Variants in MAN1A1 observed in about 807,000 individuals in gnomAD.
The protein encoded by MAN1A1 is mannosidase alpha class 1A member 1, also known as mannosyl-oligosaccharide 1,2-alpha-mannosidase IA.
Under a neutral mutation model 70.8 loss-of-function variants are expected in MAN1A1, and 29 were observed. The observed-to-expected ratio is 0.41, with a 90% CI of 0.31 to 0.56. MAN1A1 has a LOEUF of 0.56. Among genes scored for constraint, MAN1A1 ranks in the 20% least tolerant of loss-of-function variants. The probability of loss-of-function intolerance (pLI) is 0.29; values close to 1 mark genes in which losing one functional copy is unlikely to be tolerated. For synonymous variants in MAN1A1, 349 were observed against 330.1 expected (o/e 1.06, Z -0.62); for missense variants, 747 against 841.3 (o/e 0.89, Z 1.39).
At chr6:119,258,435 C>G (rs1393483826) in intron 5 of MAN1A1, among the ~76,000 whole-genome samples, 1 of 152,102 alleles carries the variant, frequency 6.6e-6, no homozygotes, top group African/African-American at 2.4e-5. Context: ...AGTATAACAA[C>G]TATTTACATA....
At chr6:119,261,893 C>T (rs1318712724) in intron 5 of MAN1A1, among the ~76,000 whole-genome samples, 2 of 152,098 alleles carry the variant, frequency 1.3e-5, no homozygotes, top group African/African-American at 4.8e-5. Flanking sequence ...TTGAAAAGGA[C>T]TAGTTCTAAA....
At chr6:119,313,603 A>T (rs916011701) in intron 2 of MAN1A1, among the ~76,000 whole-genome samples, 12 of 152,274 alleles carry the variant, frequency 7.9e-5, no homozygotes, top group Admixed American at 3.3e-4. Flanking sequence ...TATAAATGGG[A>T]ATAAAGCAGT....
chr6:119,182,125 T>A (rs561602484), intron 11 of MAN1A1, among the ~76,000 whole-genome samples: 1 of 152,234 alleles, frequency 6.6e-6, no homozygotes, highest in Admixed American at 6.5e-5. Flanking sequence ...ATTTCCCTGA[T>A]GATTTGTGAT....
chr6:119,257,916 A>G (rs1460517663), intron 5 of MAN1A1, among the ~76,000 whole-genome samples: 1 of 152,210 alleles, frequency 6.6e-6, no homozygotes, highest in Non-Finnish European at 1.5e-5. Flanking sequence ...AGGTTTAAAA[A>G]ATGGGCAAAT....
intron 5 of MAN1A1, among the ~76,000 whole-genome samples, chr6:119,276,260 T>C (rs1338408889): frequency 6.6e-6 from 1 of 152,224 alleles, no homozygotes; most frequent in African/African-American, 2.4e-5. Flanking sequence ...ATATTGTATT[T>C]TCTTCAGAGC....
Position 119,189,755 on chromosome 6 carries a change from C to A in MAN1A1, c.1455G>T (p.Gly485=). 1 of 1,614,068 alleles carries A rather than the reference C, an allele frequency of 6.2e-7. No homozygotes were observed. The highest frequency in any genetic ancestry group is 8.5e-7 in the Non-Finnish European group (1 of 1,180,006). The change falls in exon 10 of 13, where the codon GGG becomes GGT. Residue 485 remains glycine (G), a synonymous_variant. Coordinates refer to ENST00000368468, the MANE Select transcript of MAN1A1 (RefSeq NM_005907.4). ...TCFAGGMFAL[G]ADAAPEGMAQ... is the part of the protein sequence containing the mutation. The stretch of plus-strand genomic sequence containing the variant: ...CCATGCCTTCGGGAGCTGCATCAGC[C>A]CCGAGTGCGAACATGCCCCCCGCGA...
intron 5 of MAN1A1, among the ~76,000 whole-genome samples, chr6:119,286,423 C>G (rs1776376446): frequency 6.6e-6 from 1 of 152,212 alleles, no homozygotes; most frequent in Non-Finnish European, 1.5e-5. Flanking sequence ...TCCTACTCCC[C>G]TCTGTGTTTC....
chr6:119,193,690 A>G, intron 9 of MAN1A1, 87 bp downstream of exon 9: 1 of 775,514 alleles, frequency 1.3e-6, no homozygotes, highest in South Asian at 1.8e-5. Flanking sequence ...TCACTCATGT[A>G]GTATACCACT....
intron 5 of MAN1A1, among the ~76,000 whole-genome samples, chr6:119,270,652 G>A (rs1775893323): frequency 6.6e-6 from 1 of 152,088 alleles, no homozygotes; most frequent in Non-Finnish European, 1.5e-5. Context: ...ATCAGGAAAG[G>A]GTCCTGGAAA....
intron 8 of MAN1A1, among the ~76,000 whole-genome samples, chr6:119,197,885 T>C (rs913305774): frequency 1.3e-5 from 2 of 151,936 alleles, no homozygotes; most frequent in South Asian, 2.1e-4. Context: ...GCCAAATACA[T>C]AGCATACAGG....
chr6:119,183,391 A>G (rs1374034159), intron 11 of MAN1A1, among the ~76,000 whole-genome samples: 5 of 146,308 alleles, frequency 3.4e-5, no homozygotes, highest in African/African-American at 1.2e-4. Context: ...AAGTCCTATT[A>G]TTTTTTCTTT....
At chr6:119,314,306 T>C (rs1772792899) in intron 2 of MAN1A1, among the ~76,000 whole-genome samples, 1 of 152,242 alleles carries the variant, frequency 6.6e-6, no homozygotes, top group Non-Finnish European at 1.5e-5. Flanking sequence ...TGAGCAGTAG[T>C]TTCACATTTT....
At position 119,319,393 on chromosome 6, in the gene MAN1A1, C is replaced by A. The variant is rs746417026; in HGVS notation, c.604-12401G>T. ...TAATAATAATAATAATAATAATAAT[C>A]ATCATCATCATCATTCATTCTATTG... On this transcript the variant is annotated intron_variant, in intron 2 of 12. Coordinates refer to ENST00000368468, the MANE Select transcript of MAN1A1 (RefSeq NM_005907.4). Among the ~76,000 whole-genome samples, 102 of 149,870 alleles carry A rather than the reference C, an allele frequency of 6.8e-4. 1 individual carries two copies. The highest frequency in any genetic ancestry group is 1.4e-3 in the African/African-American group (59 of 40,908).
chr6:119,202,355 C>T (rs1285688330), intron 7 of MAN1A1, among the ~76,000 whole-genome samples: 1 of 152,112 alleles, frequency 6.6e-6, no homozygotes, highest in African/African-American at 2.4e-5. Flanking sequence ...ACTTCTACAT[C>T]TTATCGCACT....
chr6:119,213,388 T>C (rs1287930991), intron 6 of MAN1A1, among the ~76,000 whole-genome samples: 3 of 151,996 alleles, frequency 2.0e-5, no homozygotes, highest in African/African-American at 7.3e-5. Context: ...CACTTTGGCA[T>C]CTAAAATTTT....
At chr6:119,184,256 T>C (rs577934878) in intron 11 of MAN1A1, among the ~76,000 whole-genome samples, 1 of 152,306 alleles carries the variant, frequency 6.6e-6, no homozygotes, top group Non-Finnish European at 1.5e-5. Context: ...GGGGACCACC[T>C]TGGTTTTGAG....
rs1170404393 is a variant in MAN1A1 at position 119,348,736 on chromosome 6, G to A, written c.330C>T (p.Pro110=). 4 of 1,571,310 alleles carry A rather than the reference G, an allele frequency of 2.5e-6. No homozygotes were observed. The Admixed American group carries it at 7.3e-5, about 29-fold the overall frequency. ...CCTCCAGGGCGGCCTCCGGGTCCCC[G>A]GGTGCCCCCTCCTCGCGGCGCCGGG... ...GRARRREEGA[P]GDPEAALEDN... Residue 110 remains proline (P), a synonymous_variant, in exon 2 of 13, where the codon CCC becomes CCT. Coordinates refer to ENST00000368468, the MANE Select transcript of MAN1A1 (RefSeq NM_005907.4).
In MAN1A1 at chr6:119,232,031, G is replaced by A. The variant is rs80205283; in HGVS notation, c.992+16229C>T. On this transcript the variant is annotated intron_variant, in intron 6 of 12. Coordinates refer to ENST00000368468, the MANE Select transcript of MAN1A1 (RefSeq NM_005907.4). ...ACCCTAGGATTACTGGTGAAATATAGTTCTGGTAGGTACGTAGAATTCAAC... is the reference window on the plus strand; with the variant it reads ...ACCCTAGGATTACTGGTGAAATATAATTCTGGTAGGTACGTAGAATTCAAC... Among the ~76,000 whole-genome samples, 84 of 152,228 alleles carry A rather than the reference G, an allele frequency of 5.5e-4. No homozygotes were observed. In the East Asian group the frequency reaches 0.01, roughly 19 times the overall value.
chr6:119,297,531 T>C (rs931942649), intron 4 of MAN1A1, among the ~76,000 whole-genome samples: 1 of 152,132 alleles, frequency 6.6e-6, no homozygotes, highest in East Asian at 1.9e-4. Flanking sequence ...CACAAGGTCA[T>C]TGAGTTAGGC....
Sources: allele counts gnomAD v4.1 joint callset (sites outside exome capture counted in the v4.1 genomes callset), GRCh38; gene constraint gnomAD v4.1.1; transcripts MANE v1.5; gene names NCBI Gene and HGNC (gene_info 2026-07-23, HGNC 2026-07-21).